The following PTGS1 variants were observed in gnomAD, a reference collection of about 807,000 sequenced individuals.
The protein encoded by PTGS1 is prostaglandin G/H synthase 1.
In PTGS1, 40 loss-of-function variants were observed where a neutral mutation model predicts 63.0. The ratio of observed to expected loss-of-function variants is 0.63; its 90% CI spans 0.49 to 0.83. PTGS1 has a LOEUF of 0.83. Among genes scored for constraint, PTGS1 ranks in the 40% least tolerant of loss-of-function variants. The pLI is 0.00. For synonymous variants in PTGS1, 298 were observed against 301.9 expected, an observed-to-expected ratio of 0.99 and a Z score of 0.13; for missense variants, 709 against 786.5, an observed-to-expected ratio of 0.90 and a Z score of 1.18.
chr9:122,375,161 C>A (rs1237602597), intron 2 of PTGS1, among the ~76,000 whole-genome samples: 3 of 150,074 alleles, frequency 2.0e-5, no homozygotes, highest in African/African-American at 7.3e-5. Flanking sequence ...CCTGGGAGAA[C>A]TTTTCCTGCC....
intron 7 of PTGS1, among the ~76,000 whole-genome samples, chr9:122,383,180 GT>G (rs57512284): frequency 0.28 from 34,842 of 122,626 alleles, 5,098 homozygotes; most frequent in African/African-American, 0.45. Flanking sequence ...AAGATTTGTT[GT>G]TTTTTTTTTT....
rs768012829 is a variant in PTGS1, at chr9:122,386,529, C to T, written c.1093C>T (p.Leu365=). 6.2e-7 allele frequency: 1 copy of T among 1,614,204 alleles called. No homozygotes were observed. The highest frequency in any genetic ancestry group is 8.5e-7 in the Non-Finnish European group (1 of 1,180,032). ...GCAGCTGAAATTTGACCCAGAGCTG[C>T]TGTTCGGTGTCCAGTTCCAATACCG... ...FLQLKFDPEL[L]FGVQFQYRNR... Residue 365 remains leucine (L), a synonymous_variant, in exon 9 of 11, where the codon CTG becomes TTG. Transcript: ENST00000362012.
chr9:122,387,588 A>G (rs1564143594), intron 9 of PTGS1, among the ~76,000 whole-genome samples: 2 of 152,218 alleles, frequency 1.3e-5, no homozygotes, highest in Non-Finnish European at 2.9e-5. Context: ...GGAAGGCCAC[A>G]TGAAGATGTA....
intron 10 of PTGS1, among the ~76,000 whole-genome samples, chr9:122,391,386 CA>C (rs1380131094): frequency 1.4e-5 from 1 of 70,714 alleles, no homozygotes; most frequent in South Asian, 4.2e-4. Context: ...TATATATATA[CA>C]TATATATATA....
chr9:122,388,193 G>A (rs1349093682), intron 9 of PTGS1, among the ~76,000 whole-genome samples: 1 of 152,214 alleles, frequency 6.6e-6, no homozygotes, highest in Admixed American at 6.5e-5. Flanking sequence ...TGTATGGACT[G>A]TCAAGATTTT....
intron 2 of PTGS1, 104 bp from the exon 3 acceptor site, chr9:122,377,795 C>G: frequency 9.8e-7 from 1 of 1,021,938 alleles, no homozygotes; most frequent in Non-Finnish European, 1.5e-6. Flanking sequence ...GACGGAGCTG[C>G]GACTTAAGTC....
intron 2 of PTGS1, chr9:122,371,966 C>A: frequency 1.5e-6 from 1 of 689,550 alleles, no homozygotes; most frequent in South Asian, 1.8e-5. Flanking sequence ...GGACCCGGAG[C>A]CACTCTGGGT....
Position 122,378,839 on chromosome 9 carries a change from G to C in PTGS1, c.417G>C (p.Glu139Asp), listed in dbSNP as rs768757555. Residue 139 changes from glutamate to aspartate, a missense_variant, in exon 5 of 11, where the codon GAG becomes GAC. By Grantham distance (45) the Glu-to-Asp change is conservative (BLOSUM62 2). Transcript: ENST00000362012. The part of the protein sequence containing the change: ...YNSAHDYISW[E>D]SFSNVSYYTR... ...CAGCACATGACTACATCAGCTGGGA[G>C]TCTTTCTCCAACGTGAGCTATTACA... The C allele has an allele frequency of 6.2e-7, 1 of 1,614,244 alleles. No individual in the cohort carries two copies. Among genetic ancestry groups the C allele is most frequent in the Non-Finnish European group, 8.5e-7 (1 of 1,180,034 alleles).
chr9:122,378,929 G>A lies in PTGS1; in HGVS notation c.496+11G>A. Reference sequence around the variant, plus strand: ...CCATGGGAACCAAAGGTAAAATGGGGTGAGGAGCTGGGCCTGGGGATTACA... The same window carrying A: ...CCATGGGAACCAAAGGTAAAATGGGATGAGGAGCTGGGCCTGGGGATTACA... On this transcript the variant is annotated intron_variant, in intron 5 of 10. Coordinates refer to ENST00000362012, the MANE Select transcript of PTGS1 (RefSeq NM_000962.4). 2 of 1,614,056 alleles carry A rather than the reference G, an allele frequency of 1.2e-6. No homozygotes were observed. The highest frequency in any genetic ancestry group is 1.7e-6 in the Non-Finnish European group (2 of 1,179,952).
At chr9:122,383,320 G>C (rs779300154) in intron 7 of PTGS1, among the ~76,000 whole-genome samples, 189 bp from the exon 8 acceptor site, 1 of 151,652 alleles carries the variant, frequency 6.6e-6, no homozygotes, top group African/African-American at 2.4e-5. Context: ...GAAGATGAGC[G>C]GGGGTTGCTT....
chr9:122,371,934 G>A, intron 2 of PTGS1: 1 of 923,278 alleles, frequency 1.1e-6, no homozygotes, highest in South Asian at 1.5e-5. Context: ...TCTTTCCACA[G>A]AAAGCTGCTT....
intron 7 of PTGS1, among the ~76,000 whole-genome samples, chr9:122,382,631 C>T (rs144961529): frequency 1.3e-5 from 2 of 152,314 alleles, no homozygotes; most frequent in African/African-American, 4.8e-5. Context: ...ATTTCTAGTG[C>T]TCAGTAGCTA....
chr9:122,391,428 CAT>C (rs5900525), intron 10 of PTGS1, among the ~76,000 whole-genome samples: 71,392 of 98,076 alleles, frequency 0.73, 24,702 homozygotes, highest in East Asian at 0.93. Context: ...TATATATATA[CAT>C]ATATATATAT....
chr9:122,373,856 CTT>C (rs35871335), intron 2 of PTGS1, among the ~76,000 whole-genome samples: 14,788 of 147,298 alleles, frequency 0.1, 2,327 homozygotes, highest in African/African-American at 0.34. Flanking sequence ...GGTTCCCCAC[CTT>C]TTTTTTTTTT....
chr9:122,391,105 G>A (rs1312140800), intron 10 of PTGS1, among the ~76,000 whole-genome samples: 1 of 151,318 alleles, frequency 6.6e-6, no homozygotes, highest in African/African-American at 2.4e-5. Flanking sequence ...CGGGCCAGCT[G>A]CATAAAAATC....
Position 122,386,507 on chromosome 9 carries a change from G to T in PTGS1, c.1071G>T (p.Gln357His), listed in dbSNP as rs893235391. 1 of 1,614,092 alleles carries T rather than the reference G, an allele frequency of 6.2e-7. No homozygotes were observed. The highest frequency in any genetic ancestry group is 1.3e-5 in the African/African-American group (1 of 74,940). The part of the protein sequence containing the change: ...YVQQLSGYFL[Q>H]LKFDPELLFG... ...AGCAGCTGAGTGGCTATTTCCTGCA[G>T]CTGAAATTTGACCCAGAGCTGCTGT... Residue 357 changes from glutamine (Q) to histidine (H), a missense_variant, in exon 9 of 11, where the codon CAG becomes CAT. Transcript: ENST00000362012.
intron 9 of PTGS1, among the ~76,000 whole-genome samples, chr9:122,389,194 G>A (rs1280617282): frequency 7.3e-6 from 1 of 136,724 alleles, no homozygotes; most frequent in African/African-American, 2.8e-5. Context: ...TCTCTTGCCT[G>A]GGCTGGAGTG....
intron 9 of PTGS1, among the ~76,000 whole-genome samples, chr9:122,389,096 T>G (rs76942325): frequency 0.04 from 6,102 of 151,926 alleles, 164 homozygotes; most frequent in Non-Finnish European, 0.062. Context: ...GACTATCTCT[T>G]AAGCATGAAC....
chr9:122,382,098 G>A (rs1837565050), intron 7 of PTGS1, among the ~76,000 whole-genome samples: 2 of 152,180 alleles, frequency 1.3e-5, no homozygotes, highest in African/African-American at 4.8e-5. Context: ...AATGGGCCCT[G>A]CCCTCAAAAA....
Sources: allele counts gnomAD v4.1 joint callset (sites outside exome capture counted in the v4.1 genomes callset), GRCh38; gene constraint gnomAD v4.1.1; transcripts MANE v1.5; gene names NCBI Gene and HGNC (gene_info 2026-07-23, HGNC 2026-07-21).